The following TRPC4 variants were observed in gnomAD, a reference collection of about 807,000 sequenced individuals.
The protein encoded by TRPC4 is short transient receptor potential channel 4.
In TRPC4, 49 loss-of-function variants were observed where a neutral mutation model predicts 99.4. That is an observed-to-expected ratio of 0.49 (90% CI 0.39 to 0.63). The LOEUF is 0.63. TRPC4 is among the 20% of genes least tolerant of loss of function. TRPC4 has a pLI of 0.00. For missense variants in TRPC4, 898 were observed against 1,152.9 expected (o/e 0.78, Z 3.20); for synonymous variants, 454 against 425.9 (o/e 1.07, Z -0.81).
chr13:37,802,499 A>G (rs1454559613), intron 1 of TRPC4, among the ~76,000 whole-genome samples: 1 of 152,044 alleles, frequency 6.6e-6, no homozygotes, highest in African/African-American at 2.4e-5. Context: ...GACTTTTCTC[A>G]TGATTAAACT....
chr13:37,803,279 G>A (rs905720998), intron 1 of TRPC4, among the ~76,000 whole-genome samples: 2 of 152,002 alleles, frequency 1.3e-5, no homozygotes, highest in Non-Finnish European at 2.9e-5. Context: ...TCCTTTTAAT[G>A]AAGCATGGTG....
chr13:37,812,493 T>C (rs560862745), intron 1 of TRPC4, among the ~76,000 whole-genome samples: 4 of 152,108 alleles, frequency 2.6e-5, no homozygotes, highest in Non-Finnish European at 4.4e-5. Flanking sequence ...AGAAGTAAAA[T>C]ATATTGGATC....
intron 1 of TRPC4, among the ~76,000 whole-genome samples, chr13:37,862,083 C>G (rs1034645511): frequency 6.6e-6 from 1 of 151,404 alleles, no homozygotes; most frequent in African/African-American, 2.4e-5. Flanking sequence ...GAGGAGCCCA[C>G]AAGAAAACAC....
Position 37,780,923 on chromosome 13 carries a change from T to C in TRPC4, c.378+2033A>G, listed in dbSNP as rs1470959512. ...GGAATTCTTGGCCAGCAGACTGATA[T>C]AAGAGAAATCTTCCAGAAACACATG... On this transcript the variant is annotated intron_variant, in intron 2 of 10. Coordinates refer to ENST00000379705, the MANE Select transcript of TRPC4 (RefSeq NM_016179.4). Among the ~76,000 whole-genome samples, 3 of 152,090 alleles carry C rather than the reference T, an allele frequency of 2.0e-5. No individual in the cohort carries two copies. The East Asian group carries it at 5.8e-4, about 29-fold the overall frequency.
At chr13:37,810,556 C>T (rs889829395) in intron 1 of TRPC4, among the ~76,000 whole-genome samples, 1 of 152,042 alleles carries the variant, frequency 6.6e-6, no homozygotes, top group Admixed American at 6.6e-5. Flanking sequence ...AGAGTTCACT[C>T]TTGTTAAACA....
intron 3 of TRPC4, among the ~76,000 whole-genome samples, chr13:37,692,585 T>C (rs1197035363): frequency 2.0e-5 from 3 of 152,128 alleles, no homozygotes; most frequent in Admixed American, 6.5e-5. Context: ...TGGCTGCACT[T>C]GAGGAAGCAA....
intron 3 of TRPC4, among the ~76,000 whole-genome samples, chr13:37,720,448 T>C (rs1457947225): frequency 6.6e-6 from 1 of 152,082 alleles, no homozygotes; most frequent in East Asian, 1.9e-4. Flanking sequence ...AATGAGGTTA[T>C]TATTAGTAGT....
At position 37,845,588 on chromosome 13, in the gene TRPC4, T is replaced by C. The variant is rs114569671; in HGVS notation, c.-28+24007A>G. ...AGTGAGCTCAGAGGACATTTGAAAT[T>C]ATCCAATCGATCAGAGGAGCAAAAA... On this transcript the variant is annotated intron_variant, in intron 1 of 10. Transcript: ENST00000379705. Among the ~76,000 whole-genome samples, 703 of 151,968 alleles carry C rather than the reference T, an allele frequency of 4.6e-3. 3 individuals are homozygous for C. Among genetic ancestry groups the C allele is most frequent in the African/African-American group, 0.016 (658 of 41,472 alleles).
chr13:37,825,129 C>T (rs1958162926), intron 1 of TRPC4, among the ~76,000 whole-genome samples: 1 of 151,970 alleles, frequency 6.6e-6, no homozygotes, highest in South Asian at 2.1e-4. Context: ...TCCCCTTTAT[C>T]ATTTTTTATT....
intron 3 of TRPC4, among the ~76,000 whole-genome samples, chr13:37,726,560 A>G (rs1955066140): frequency 6.6e-6 from 1 of 152,206 alleles, no homozygotes; most frequent in East Asian, 1.9e-4. Flanking sequence ...GTAATGCAGG[A>G]AGTAAACAAA....
intron 2 of TRPC4, among the ~76,000 whole-genome samples, chr13:37,753,970 A>G (rs982151064): frequency 6.6e-6 from 1 of 152,052 alleles, no homozygotes; most frequent in African/African-American, 2.4e-5. Context: ...CACCCCCGCT[A>G]TGGAGAATGG....
chr13:37,775,817 G>A (rs1325896336), intron 2 of TRPC4, among the ~76,000 whole-genome samples: 1 of 150,828 alleles, frequency 6.6e-6, no homozygotes, highest in African/African-American at 2.4e-5. Context: ...TTTTTTTTGA[G>A]AGTGGTAAAT....
chr13:37,850,069 C>T (rs1375330235), intron 1 of TRPC4, among the ~76,000 whole-genome samples: 1 of 152,110 alleles, frequency 6.6e-6, no homozygotes, highest in African/African-American at 2.4e-5. Flanking sequence ...ACAGTGTTTC[C>T]CACATCTGCA....
intron 5 of TRPC4, among the ~76,000 whole-genome samples, chr13:37,672,430 G>A (rs555104646): frequency 1.2e-4 from 18 of 152,280 alleles, no homozygotes; most frequent in African/African-American, 4.3e-4. Context: ...TATCAACTGG[G>A]AGTTTGTTAG....
chr13:37,767,681 G>A (rs533056384), intron 2 of TRPC4, among the ~76,000 whole-genome samples: 2 of 151,236 alleles, frequency 1.3e-5, no homozygotes, highest in African/African-American at 4.8e-5. Flanking sequence ...CTTAACTAAA[G>A]CCTGTAAGAC....
chr13:37,657,059 T>C (rs531792110), intron 6 of TRPC4, among the ~76,000 whole-genome samples: 6 of 152,342 alleles, frequency 3.9e-5, no homozygotes, highest in East Asian at 1.9e-4. Flanking sequence ...ATATGCCTAA[T>C]TGGCATTCAG....
rs192313763 is a variant in TRPC4, at chr13:37,817,666, A to G, written c.-27-34306T>C. ...ACAGGGTTACGGTAATCAAAACAGC[A>G]TAGTACTGCTACAAAAGCAGACACA... On this transcript the variant is annotated intron_variant, in intron 1 of 10. Coordinates refer to ENST00000379705, the MANE Select transcript of TRPC4 (RefSeq NM_016179.4). 5.1e-3 allele frequency among the ~76,000 whole-genome samples: 770 copies of G among 152,204 alleles called. 7 individuals carry two copies. The highest frequency in any genetic ancestry group is 8.9e-3 in the Admixed American group (135 of 15,242).
chr13:37,762,774 G>T (rs1593684713), intron 2 of TRPC4, among the ~76,000 whole-genome samples: 2 of 148,146 alleles, frequency 1.4e-5, no homozygotes, highest in East Asian at 4.1e-4. Flanking sequence ...GCTAAATGAT[G>T]AGTTAATGGG....
chr13:37,842,372 G>GAAAAAAAAAAAAAAAAAAAAA (rs1566216069), intron 1 of TRPC4, among the ~76,000 whole-genome samples: 1 of 72,092 alleles, frequency 1.4e-5, no homozygotes, highest in African/African-American at 5.3e-5. Context: ...AAAAAAAAAG[G>GAAAAAAAAAAAAAAAAAAAAA]AAAAGGAAAA....
Sources: allele counts gnomAD v4.1 joint callset (sites outside exome capture counted in the v4.1 genomes callset), GRCh38; gene constraint gnomAD v4.1.1; transcripts MANE v1.5; gene names NCBI Gene and HGNC (gene_info 2026-07-23, HGNC 2026-07-21).